The following ITGA9 variants were observed in gnomAD, a reference collection of about 807,000 sequenced individuals.
ITGA9 encodes the protein integrin subunit alpha 9.
Under a neutral mutation model 127.8 loss-of-function variants are expected in ITGA9, and 56 were observed. The ratio of observed to expected loss-of-function variants is 0.44; its 90% CI spans 0.35 to 0.55. The LOEUF (loss-of-function observed/expected upper bound fraction) is 0.55, where lower values mean the gene tolerates loss of function less well. ITGA9 is among the 20% of genes least tolerant of loss of function. ITGA9 has a pLI of 0.00. For missense variants in ITGA9, 1,196 were observed against 1,347.1 expected (o/e 0.89, Z 1.76); for synonymous variants, 508 against 514.5 (o/e 0.99, Z 0.17).
At chr3:37,590,040 G>A (rs1462367347) in intron 15 of ITGA9, among the ~76,000 whole-genome samples, 2 of 152,186 alleles carry the variant, frequency 1.3e-5, no homozygotes, top group African/African-American at 4.8e-5. Flanking sequence ...GTAGAGGTGT[G>A]CCCTGGGTCC....
chr3:37,478,625 A>T (rs1349494375), intron 3 of ITGA9, among the ~76,000 whole-genome samples: 1 of 152,094 alleles, frequency 6.6e-6, no homozygotes, highest in African/African-American at 2.4e-5. Flanking sequence ...ACTCATTTGG[A>T]GAGATTGATG....
intron 15 of ITGA9, among the ~76,000 whole-genome samples, chr3:37,620,339 G>C (rs1005686480): frequency 1.3e-5 from 2 of 152,144 alleles, no homozygotes; most frequent in African/African-American, 4.8e-5. Flanking sequence ...GTTCCAGCCT[G>C]CTCTCCTTCC....
chr3:37,489,272 T>C (rs1698642478), intron 4 of ITGA9, among the ~76,000 whole-genome samples: 1 of 152,278 alleles, frequency 6.6e-6, no homozygotes, highest in African/African-American at 2.4e-5. Flanking sequence ...ATGTTTTCAC[T>C]GGAAATGTGC....
intron 13 of ITGA9, among the ~76,000 whole-genome samples, chr3:37,531,073 A>G (rs1035553140): frequency 2.0e-5 from 3 of 151,992 alleles, no homozygotes; most frequent in Non-Finnish European, 4.4e-5. Flanking sequence ...TTAAGAAAAA[A>G]AAAGCACTGA....
intron 26 of ITGA9, among the ~76,000 whole-genome samples, chr3:37,793,294 C>T (rs1697133719): frequency 6.6e-6 from 1 of 151,584 alleles, no homozygotes; most frequent in Non-Finnish European, 1.5e-5. Context: ...TTGCCCAGTC[C>T]ATCAAAGGCT....
At chr3:37,529,110 A>G (rs1246362779) in intron 13 of ITGA9, among the ~76,000 whole-genome samples, 1 of 152,192 alleles carries the variant, frequency 6.6e-6, no homozygotes, top group Admixed American at 6.5e-5. Context: ...GTAGCACTCC[A>G]TTGACTGAAT....
intron 27 of ITGA9, chr3:37,805,828 AT>A (rs767225537): frequency 0.07 from 9,380 of 133,196 alleles, 443 homozygotes; most frequent in African/African-American, 0.14. Context: ...ACAACCAGCT[AT>A]TTTTTTTTTT....
chr3:37,730,073 C>A (rs1480479517), intron 18 of ITGA9, among the ~76,000 whole-genome samples: 1 of 152,130 alleles, frequency 6.6e-6, no homozygotes, highest in Non-Finnish European at 1.5e-5. Context: ...AAAGGAATTC[C>A]CAGTGAGGTA....
chr3:37,772,353 A>G (rs2125547809), intron 23 of ITGA9, among the ~76,000 whole-genome samples: 1 of 152,136 alleles, frequency 6.6e-6, no homozygotes, highest in South Asian at 2.1e-4. Context: ...GGTTTCAGTG[A>G]GCCAAGATCG....
rs529863727 is a variant in ITGA9, at chr3:37,614,118, A to G, written c.1690-15069A>G. 1.1e-4 allele frequency among the ~76,000 whole-genome samples: 17 copies of G among 152,142 alleles called. No individual in the cohort carries two copies. In the South Asian group the frequency reaches 2.3e-3, roughly 20 times the overall value. ...TTTAGGTCTAACATTTAAGTCTTTA[A>G]TCCATCTTGAATTAATTTTTGTATA... On this transcript the variant is annotated intron_variant, in intron 15 of 27. Coordinates refer to ENST00000264741, the MANE Select transcript of ITGA9 (RefSeq NM_002207.3).
rs540727428 is a variant in ITGA9 at position 37,551,095 on chromosome 3, G to A, written c.1689+8510G>A. Among the ~76,000 whole-genome samples, 4 of 152,274 alleles carry A rather than the reference G, an allele frequency of 2.6e-5. 1 individual carries two copies. The highest frequency in any genetic ancestry group is 9.6e-5 in the African/African-American group (4 of 41,558). On this transcript the variant is annotated intron_variant, in intron 15 of 27. Transcript: ENST00000264741. ...AATAATAGGAAAGTAAATTTGTGGGGTCAGTTAAACCACCAGACGACAGCT... is the reference window on the plus strand; with the variant it reads ...AATAATAGGAAAGTAAATTTGTGGGATCAGTTAAACCACCAGACGACAGCT...
At chr3:37,684,128 C>A (rs1385009879) in intron 18 of ITGA9, 113 bp downstream of exon 18, 2 of 972,992 alleles carry the variant, frequency 2.1e-6, no homozygotes, top group East Asian at 2.4e-5. Flanking sequence ...TTTCTGTGGA[C>A]TATCATTTAG....
At chr3:37,737,261 G>T (rs985452176) in intron 20 of ITGA9, among the ~76,000 whole-genome samples, 12 of 152,202 alleles carry the variant, frequency 7.9e-5, no homozygotes, top group Non-Finnish European at 1.5e-4. Flanking sequence ...ACAGGCCCAG[G>T]GGGGTGAGGC....
rs13069436 is a variant in ITGA9, at chr3:37,670,742, C to T, written c.1917-13123C>T. Among the ~76,000 whole-genome samples the T allele has an allele frequency of 5.2e-3, 785 of 152,256 alleles. 3 individuals are homozygous for T. The highest frequency in any genetic ancestry group is 0.037 in the Middle Eastern group (11 of 294). ...CATATTGCTAAACTACACATTTGTG[C>T]TCTCCCCTTTCCCATAGGGCTACCT... On this transcript the variant is annotated intron_variant, in intron 17 of 27. Coordinates refer to ENST00000264741, the MANE Select transcript of ITGA9 (RefSeq NM_002207.3).
At chr3:37,791,318 A>T (rs1185654772) in intron 26 of ITGA9, among the ~76,000 whole-genome samples, 1 of 152,094 alleles carries the variant, frequency 6.6e-6, no homozygotes, top group Admixed American at 6.5e-5. Flanking sequence ...AAGTCCACAG[A>T]TGAGTCGGTA....
intron 15 of ITGA9, among the ~76,000 whole-genome samples, chr3:37,612,857 A>G (rs568866971): frequency 3.9e-4 from 59 of 152,224 alleles, no homozygotes; most frequent in African/African-American, 1.3e-3. Context: ...TCAGACAAAG[A>G]TATTTTGTGA....
chr3:37,786,420 C>T (rs1186686434), intron 26 of ITGA9, among the ~76,000 whole-genome samples: 2 of 152,068 alleles, frequency 1.3e-5, no homozygotes. Flanking sequence ...TGGCGAAACG[C>T]TGTCTCTACT....
chr3:37,664,797 C>T (rs1191718112), intron 17 of ITGA9, among the ~76,000 whole-genome samples: 1 of 151,886 alleles, frequency 6.6e-6, no homozygotes, highest in Non-Finnish European at 1.5e-5. Flanking sequence ...CCAGCAGTTT[C>T]CTAAAATGTA....
At chr3:37,639,745 T>A (rs1700314439) in intron 16 of ITGA9, among the ~76,000 whole-genome samples, 1 of 151,418 alleles carries the variant, frequency 6.6e-6, no homozygotes, top group Non-Finnish European at 1.5e-5. Flanking sequence ...TGCAGGTGAG[T>A]CCCTGGGGAG....
Sources: allele counts gnomAD v4.1 joint callset (sites outside exome capture counted in the v4.1 genomes callset), GRCh38; gene constraint gnomAD v4.1.1; transcripts MANE v1.5; gene names NCBI Gene and HGNC (gene_info 2026-07-23, HGNC 2026-07-21).